Variants in PEBP4 observed in about 807,000 individuals in gnomAD.
PEBP4 encodes phosphatidylethanolamine binding protein 4.
Under a neutral mutation model 23.9 loss-of-function variants are expected in PEBP4, and 22 were observed. That is an observed-to-expected ratio of 0.92 (90% CI 0.66 to 1.31). The LOEUF is 1.31. Ranked by LOEUF, PEBP4 falls within the 40% of genes most tolerant of loss-of-function variation. The pLI is 0.00. For missense variants in PEBP4, 324 were observed against 281.7 expected (o/e 1.15, Z -1.07); for synonymous variants, 112 against 99.3 (o/e 1.13, Z -0.76).
At chr8:22,877,127 C>T (rs141018727) in intron 3 of PEBP4, among the ~76,000 whole-genome samples, 1 of 152,312 alleles carries the variant, frequency 6.6e-6, no homozygotes, top group Non-Finnish European at 1.5e-5. Flanking sequence ...TTTCTTTCCT[C>T]CTCAAACCAG....
At chr8:22,920,405 G>A in intron 2 of PEBP4, 95 bp from the exon 3 acceptor site, 6 of 1,370,402 alleles carry the variant, frequency 4.4e-6, no homozygotes, top group Admixed American at 4.4e-5. Flanking sequence ...AATGTAAAGT[G>A]AAATGGGATC....
chr8:22,724,716 C>T (rs763710134), intron 6 of PEBP4, 127 bp downstream of exon 6: 4 of 692,866 alleles, frequency 5.8e-6, no homozygotes, highest in Non-Finnish European at 1.0e-5. Flanking sequence ...GAAACACCAG[C>T]CTTCGACCCC....
rs115352858 is a variant in PEBP4 at position 22,784,672 on chromosome 8, C to T, written c.357+32965G>A. On this transcript the variant is annotated intron_variant, in intron 4 of 6. Transcript: ENST00000256404. ...GCAGCCGCCCGGGTGTTTGTAACCA[C>T]CGCCTTATTGAATTGTGACAAGTTA... Among the ~76,000 whole-genome samples the T allele has an allele frequency of 2.7e-3, 409 of 152,318 alleles. 4 individuals carry two copies. Among genetic ancestry groups the T allele is most frequent in the African/African-American group, 9.6e-3 (399 of 41,568 alleles).
intron 4 of PEBP4, among the ~76,000 whole-genome samples, chr8:22,742,503 T>C (rs1805018307): frequency 6.6e-6 from 1 of 152,190 alleles, no homozygotes; most frequent in Non-Finnish European, 1.5e-5. Flanking sequence ...CTGCTGGACT[T>C]TGTCACTGGG....
intron 3 of PEBP4, among the ~76,000 whole-genome samples, chr8:22,887,513 C>T (rs1042170632): frequency 6.6e-6 from 1 of 150,962 alleles, no homozygotes; most frequent in Non-Finnish European, 1.5e-5. Flanking sequence ...TGCCTGTAAT[C>T]CCAGCACTTC....
chr8:22,825,076 A>C (rs1475790441), intron 3 of PEBP4, among the ~76,000 whole-genome samples: 1 of 152,186 alleles, frequency 6.6e-6, no homozygotes, highest in Non-Finnish European at 1.5e-5. Flanking sequence ...GGTCTTGCAG[A>C]TCTCTCTCAA....
In PEBP4 at chr8:22,823,408, G is replaced by A. The variant is rs187526124; in HGVS notation, c.259-5673C>T. Among the ~76,000 whole-genome samples the A allele has an allele frequency of 3.0e-3, 448 of 151,830 alleles. 2 individuals carry two copies. The highest frequency in any genetic ancestry group is 9.8e-3 in the African/African-American group (406 of 41,468). On this transcript the variant is annotated intron_variant, in intron 3 of 6. Coordinates refer to ENST00000256404, the MANE Select transcript of PEBP4 (RefSeq NM_144962.3). Reference sequence around the variant, plus strand: ...TAACATAATATTAAATTTATGCAATGGAACACTCTGTTAGAGTTAGATCTT... The same window carrying A: ...TAACATAATATTAAATTTATGCAATAGAACACTCTGTTAGAGTTAGATCTT...
chr8:22,738,503 G>T (rs761890747), intron 4 of PEBP4, among the ~76,000 whole-genome samples: 19 of 152,180 alleles, frequency 1.2e-4, no homozygotes, highest in Non-Finnish European at 2.8e-4. Flanking sequence ...GAATTTTCCA[G>T]AACTGGTGGG....
chr8:22,772,631 T>G (rs1313339998), intron 4 of PEBP4, among the ~76,000 whole-genome samples: 1 of 151,854 alleles, frequency 6.6e-6, no homozygotes, highest in Non-Finnish European at 1.5e-5. Flanking sequence ...AAAGTAGGTA[T>G]TCTTATGTAC....
intron 3 of PEBP4, among the ~76,000 whole-genome samples, chr8:22,903,621 C>A (rs900571461): frequency 2.0e-5 from 3 of 152,184 alleles, no homozygotes; most frequent in African/African-American, 7.2e-5. Flanking sequence ...CAACAGCCTG[C>A]AAAGCCCCCA....
chr8:22,840,964 TG>T (rs1228822589), intron 3 of PEBP4, among the ~76,000 whole-genome samples: 1 of 152,234 alleles, frequency 6.6e-6, no homozygotes, highest in Admixed American at 6.5e-5. Flanking sequence ...AAGCAAACCC[TG>T]GATGTATAAA....
At chr8:22,872,228 G>A (rs1808020600) in intron 3 of PEBP4, among the ~76,000 whole-genome samples, 1 of 152,216 alleles carries the variant, frequency 6.6e-6, no homozygotes, top group African/African-American at 2.4e-5. Flanking sequence ...TGAAAATGGT[G>A]GAGTCAGGAT....
At chr8:22,907,667 G>C (rs919212819) in intron 3 of PEBP4, among the ~76,000 whole-genome samples, 7 of 152,334 alleles carry the variant, frequency 4.6e-5, no homozygotes, top group Non-Finnish European at 1.0e-4. Flanking sequence ...CAGCACTTTG[G>C]CTCTCACTCT....
chr8:22,717,596 C>T (rs143548868), intron 6 of PEBP4, among the ~76,000 whole-genome samples: 112 of 152,308 alleles, frequency 7.4e-4, no homozygotes, highest in African/African-American at 2.5e-3. Flanking sequence ...GTTGCTGAGA[C>T]CTTGAGGTTG....
upstream of PEBP4, among the ~76,000 whole-genome samples, chr8:22,929,370 T>C (rs1809417596): frequency 6.6e-6 from 1 of 152,228 alleles, no homozygotes; most frequent in South Asian, 2.1e-4. Flanking sequence ...AAACTCATCT[T>C]CCAAATGGCA....
At chr8:22,899,870 C>T (rs1808676888) in intron 3 of PEBP4, among the ~76,000 whole-genome samples, 2 of 152,082 alleles carry the variant, frequency 1.3e-5, no homozygotes, top group Admixed American at 6.5e-5. Context: ...TTTTATTTGC[C>T]CATGTTATGC....
chr8:22,759,191 T>G (rs1805451516), intron 4 of PEBP4, among the ~76,000 whole-genome samples: 1 of 151,962 alleles, frequency 6.6e-6, no homozygotes, highest in Middle Eastern at 3.2e-3. Flanking sequence ...CTGACTTTGT[T>G]GCTGTCAGGG....
chr8:22,731,758 A>C (rs537672079), intron 4 of PEBP4, among the ~76,000 whole-genome samples: 61 of 151,534 alleles, frequency 4.0e-4, no homozygotes, highest in African/African-American at 1.4e-3. Context: ...TCCCGGGTTC[A>C]TGCCATTCTC....
intron 4 of PEBP4, among the ~76,000 whole-genome samples, chr8:22,779,722 G>A (rs549609940): frequency 6.6e-6 from 1 of 152,322 alleles, no homozygotes; most frequent in Admixed American, 6.5e-5. Context: ...GGAAGGGTGA[G>A]GAAAGTCAGG....
Sources: gnomAD v4.1 joint callset for allele counts (sites outside exome capture counted in the v4.1 genomes callset) on GRCh38, gnomAD v4.1.1 for gene constraint, MANE v1.5 for transcripts, NCBI Gene and HGNC (gene_info 2026-07-23, HGNC 2026-07-21) for gene names.